The following STXBP4 variants were observed in gnomAD, a reference collection of about 807,000 sequenced individuals.
The protein encoded by STXBP4 is syntaxin binding protein 4, also known as syntaxin-binding protein 4.
In STXBP4, 55 loss-of-function variants were observed where a neutral mutation model predicts 76.1. The observed-to-expected ratio is 0.72, with a 90% confidence interval of 0.58 to 0.91. The LOEUF is 0.91. Ranked by LOEUF, STXBP4 falls within the 40% of genes least tolerant of loss-of-function variation. STXBP4 has a pLI of 0.00. For missense variants in STXBP4, 618 were observed against 636.9 expected (o/e 0.97, Z 0.32); for synonymous variants, 201 against 220.2 (o/e 0.91, Z 0.77).
chr17:55,146,881 A>G, intron 17 of STXBP4, among the ~76,000 whole-genome samples: 1 of 152,218 alleles, frequency 6.6e-6, no homozygotes, highest in East Asian at 1.9e-4. Flanking sequence ...TAAGGGACAA[A>G]AAGGACAGAG....
rs117417317 is a variant in STXBP4, at chr17:55,024,517, G to A, written c.667-6651G>A. 3.2e-3 allele frequency among the ~76,000 whole-genome samples: 480 copies of A among 152,298 alleles called. 12 individuals are homozygous for A. The highest frequency in any genetic ancestry group is 0.025 in the East Asian group (129 of 5,180). ...CTGGGGTTCCTAAGTGAAAAATACA[G>A]AGAAAGAGAAACCAGCTGACTCACA... On this transcript the variant is annotated intron_variant, in intron 8 of 17. Coordinates refer to ENST00000376352, the MANE Select transcript of STXBP4 (RefSeq NM_178509.6).
chr17:55,028,856 A>G (rs891645462), intron 8 of STXBP4, among the ~76,000 whole-genome samples: 8 of 152,180 alleles, frequency 5.3e-5, no homozygotes, highest in African/African-American at 1.9e-4. Flanking sequence ...GAAAAAAAAG[A>G]ATGTAGAAAA....
intron 8 of STXBP4, among the ~76,000 whole-genome samples, chr17:55,013,422 A>G (rs2078147251): frequency 6.6e-6 from 1 of 152,136 alleles, no homozygotes; most frequent in South Asian, 2.1e-4. Context: ...TGGCCTGGCT[A>G]TTTTGCCATA....
intron 9 of STXBP4, 38 bp downstream of exon 9, chr17:55,031,302 C>T (rs780353657): frequency 1.4e-6 from 2 of 1,456,000 alleles, no homozygotes; most frequent in Admixed American, 1.7e-5. Context: ...ATCACTGAAT[C>T]ATCATTCAAG....
intron 1 of STXBP4, among the ~76,000 whole-genome samples, chr17:54,980,369 G>A (rs529121839): frequency 6.6e-6 from 1 of 152,302 alleles, no homozygotes; most frequent in South Asian, 2.1e-4. Flanking sequence ...TACCAGTGCA[G>A]GGTCTTGACT....
chr17:55,078,198 A>C lies in STXBP4; in HGVS notation c.1305+4A>C. ...AAAGCTTCTTCATTTTGTAGAGGTA[A>C]GTTTTTCTGTTCTATTACATTCATC... On this transcript the variant is annotated splice_donor_region_variant and intron_variant, in intron 14 of 17. Transcript: ENST00000376352. 6.3e-7 allele frequency: 1 copy of C among 1,584,682 alleles called. No homozygotes were observed. The highest frequency in any genetic ancestry group is 8.6e-7 in the Non-Finnish European group (1 of 1,157,986).
At chr17:55,177,056 C>G (rs1405887332), downstream of STXBP4, among the ~76,000 whole-genome samples, 1 of 152,054 alleles carries the variant, frequency 6.6e-6, no homozygotes, top group African/African-American at 2.4e-5. Context: ...GGTTCTCCAG[C>G]TTACAGAGGC....
In STXBP4 at chr17:55,031,154, C is replaced by G. The variant is rs374392368; in HGVS notation, c.667-14C>G. On this transcript the variant is annotated splice_polypyrimidine_tract_variant and intron_variant, in intron 8 of 17. Transcript: ENST00000376352. The stretch of plus-strand genomic sequence containing the variant: ...ATTTGAAAAATTGCTTTTCATGAGT[C>G]CTTTATCTTCCAGGCTCTAAATTAT... The G allele has an allele frequency of 6.9e-6, 11 of 1,605,476 alleles. No individual in the cohort carries two copies. In the African/African-American group the frequency reaches 1.3e-4, roughly 20 times the overall value.
At chr17:55,004,217 C>G (rs1234531975) in intron 7 of STXBP4, among the ~76,000 whole-genome samples, 4 of 151,190 alleles carry the variant, frequency 2.6e-5, no homozygotes, top group Admixed American at 6.6e-5. Flanking sequence ...TGAAGAAATA[C>G]AGTCATTATT....
At chr17:54,982,700 G>A (rs1354274518) in intron 1 of STXBP4, among the ~76,000 whole-genome samples, 1 of 151,972 alleles carries the variant, frequency 6.6e-6, no homozygotes, top group Non-Finnish European at 1.5e-5. Context: ...TGTATAAAGA[G>A]AGAGTAGGAA....
intron 12 of STXBP4, among the ~76,000 whole-genome samples, chr17:55,059,985 A>T (rs1208332432): frequency 6.6e-6 from 1 of 152,108 alleles, no homozygotes; most frequent in Non-Finnish European, 1.5e-5. Context: ...AATAAGATAA[A>T]TGAGATTGAG....
At chr17:55,032,188 AT>A (rs952828768) in intron 9 of STXBP4, among the ~76,000 whole-genome samples, 2 of 152,052 alleles carry the variant, frequency 1.3e-5, no homozygotes, top group South Asian at 2.1e-4. Context: ...CTATTAAGTA[AT>A]TTTTTTCTTG....
At chr17:55,093,380 A>T (rs2079443339) in intron 16 of STXBP4, among the ~76,000 whole-genome samples, 1 of 152,174 alleles carries the variant, frequency 6.6e-6, no homozygotes, top group Non-Finnish European at 1.5e-5. Context: ...TAATTATGCT[A>T]TTTCTTCTCC....
rs566426390 is a variant in STXBP4, at chr17:55,059,358, C to T, written c.1011+12204C>T. ...GTGTTTATGTATACTACTCAACTGA[C>T]TCATGTGCCTGACACAGACATTACA... On this transcript the variant is annotated intron_variant, in intron 12 of 17. Coordinates refer to ENST00000376352, the MANE Select transcript of STXBP4 (RefSeq NM_178509.6). Among the ~76,000 whole-genome samples the T allele has an allele frequency of 9.2e-4, 140 of 152,196 alleles. 1 individual carries two copies. The highest frequency in any genetic ancestry group is 1.7e-3 in the Non-Finnish European group (119 of 68,002).
chr17:55,174,215 T>A (rs1256525733), downstream of STXBP4, among the ~76,000 whole-genome samples: 1 of 152,226 alleles, frequency 6.6e-6, no homozygotes, highest in Non-Finnish European at 1.5e-5. Flanking sequence ...GTATGAGCAT[T>A]TGTAGGGGAG....
At chr17:55,120,896 G>C (rs1328735941) in intron 16 of STXBP4, among the ~76,000 whole-genome samples, 1 of 152,068 alleles carries the variant, frequency 6.6e-6, no homozygotes, top group Non-Finnish European at 1.5e-5. Context: ...GCTCAAAGGA[G>C]GCACTATGTT....
intron 1 of STXBP4, among the ~76,000 whole-genome samples, chr17:54,981,554 A>T (rs1258567563): frequency 6.6e-6 from 1 of 152,170 alleles, no homozygotes; most frequent in Admixed American, 6.5e-5. Context: ...TCTGTGCTTT[A>T]TATTATGATG....
In STXBP4 at chr17:55,023,933, A is replaced by AG. The variant is rs1204700435; in HGVS notation, c.667-7235_667-7234insG. ...CCCTTTTCCAAAAAAAAAAAAAAAA[A>AG]AAAAAAAGAAAACACTAGAGAAATG... On this transcript the variant is annotated intron_variant, in intron 8 of 17. Transcript: ENST00000376352. Among the ~76,000 whole-genome samples, 443 of 150,812 alleles carry AG rather than the reference A, an allele frequency of 2.9e-3. 2 individuals are homozygous for AG. The highest frequency in any genetic ancestry group is 9.9e-3 in the African/African-American group (410 of 41,284).
At chr17:55,184,880 G>A in the STXBP4 span, among the ~76,000 whole-genome samples, 14 of 152,182 alleles carry the variant, frequency 9.2e-5, 1 homozygote, top group African/African-American at 2.9e-4. Context: ...AAGATTGTTT[G>A]TTTGTTTGTT....
Sources: gnomAD v4.1 joint callset for allele counts (sites outside exome capture counted in the v4.1 genomes callset) on GRCh38, gnomAD v4.1.1 for gene constraint, MANE v1.5 for transcripts, NCBI Gene and HGNC (gene_info 2026-07-23, HGNC 2026-07-21) for gene names.